The following DGKH variants were observed in gnomAD, a reference collection of about 807,000 sequenced individuals.
DGKH encodes DAG kinase eta.
DGKH carries 90 observed loss-of-function variants against 159.3 expected under a neutral mutation model. The observed-to-expected ratio is 0.57, with a 90% CI of 0.48 to 0.67. The LOEUF (loss-of-function observed/expected upper bound fraction) is 0.67, where lower values mean the gene tolerates loss of function less well. Among genes scored for constraint, DGKH ranks in the 30% least tolerant of loss-of-function variants. The pLI, the probability that DGKH is intolerant of heterozygous loss-of-function variation, is 0.00. For missense variants in DGKH, 1,181 were observed against 1,506.1 expected, an observed-to-expected ratio of 0.78 and a Z score of 3.57; for synonymous variants, 536 against 553.8, an observed-to-expected ratio of 0.97 and a Z score of 0.45.
At chr13:42,040,824 G>A (rs1268022822) in intron 1 of DGKH, among the ~76,000 whole-genome samples, 2 of 146,556 alleles carry the variant, frequency 1.4e-5, no homozygotes, top group African/African-American at 4.9e-5. Context: ...CCGGCGCAGC[G>A]GCGGCGGCGG....
rs528069423 is a variant in DGKH, at chr13:42,175,620, G to A, written c.1452+1476G>A. On this transcript the variant is annotated intron_variant, in intron 12 of 29. Transcript: ENST00000337343. ...CACGTGTATAATCACTAAATATGAG[G>A]TACAATTCTAAAGATATGAAGGAAA... Among the ~76,000 whole-genome samples, 3 of 152,136 alleles carry A rather than the reference G, an allele frequency of 2.0e-5. No individual in the cohort carries two copies. In the South Asian group the frequency reaches 6.2e-4, roughly 32 times the overall value.
At chr13:42,174,230 A>G in intron 12 of DGKH, 86 bp downstream of exon 12, 1 of 1,126,342 alleles carries the variant, frequency 8.9e-7, no homozygotes, top group Non-Finnish European at 1.3e-6. Context: ...ATGTACTCCT[A>G]ATATATTGTG....
chr13:42,211,894 T>G (rs745805448), intron 24 of DGKH, among the ~76,000 whole-genome samples: 2 of 151,934 alleles, frequency 1.3e-5, no homozygotes, highest in African/African-American at 2.4e-5. Flanking sequence ...ACGAGAACAG[T>G]ACAGGAAAAA....
intron 1 of DGKH, among the ~76,000 whole-genome samples, chr13:42,087,019 T>G (rs1954316341): frequency 1.4e-5 from 2 of 145,498 alleles, no homozygotes; most frequent in Non-Finnish European, 3.0e-5. Context: ...AGAAAATTGT[T>G]CGAGGAAAGA....
intron 7 of DGKH, 42 bp from the exon 8 acceptor site, chr13:42,165,289 A>T (rs144691483): frequency 9.0e-7 from 1 of 1,107,940 alleles, no homozygotes; most frequent in Non-Finnish European, 1.3e-6. Context: ...ATGGCAGAAC[A>T]TTATTTTTAT....
chr13:42,119,901 A>T (rs1455051082), intron 1 of DGKH, among the ~76,000 whole-genome samples: 3 of 152,162 alleles, frequency 2.0e-5, no homozygotes, highest in African/African-American at 7.2e-5. Context: ...TTAATCATAA[A>T]TGCTGAATCA....
chr13:42,091,644 AGAAT>A (rs1371558078), intron 1 of DGKH, among the ~76,000 whole-genome samples: 1 of 152,240 alleles, frequency 6.6e-6, no homozygotes, highest in Non-Finnish European at 1.5e-5. Flanking sequence ...GACAACCTAC[AGAAT>A]GGGAGGAAAT....
chr13:42,126,869 T>C lies in DGKH; in HGVS notation c.193-594T>C, dbSNP rs74773399. On this transcript the variant is annotated intron_variant, in intron 1 of 29. Transcript: ENST00000337343. The stretch of plus-strand genomic sequence containing the variant: ...CTTCTCTGGACCACCTGCATAGTAC[T>C]GTGTATATGTTAGAAATAACACCTG... 1.1e-4 allele frequency among the ~76,000 whole-genome samples: 16 copies of C among 152,340 alleles called. No homozygotes were observed. The East Asian group carries it at 3.1e-3, about 29-fold the overall frequency.
intron 1 of DGKH, among the ~76,000 whole-genome samples, chr13:42,081,086 A>G (rs1020481592): frequency 5.9e-5 from 9 of 152,186 alleles, no homozygotes; most frequent in Non-Finnish European, 1.3e-4. Flanking sequence ...TGCTATATAC[A>G]TATTTTTTAA....
In DGKH at chr13:42,230,643, T is replaced by C. The variant is rs1958265927; in HGVS notation, c.*1455T>C. The C allele has an allele frequency of 6.6e-6, 1 of 152,086 alleles. No individual in the cohort carries two copies. Among genetic ancestry groups the C allele is most frequent in the African/African-American group, 2.4e-5 (1 of 41,434 alleles). 9.4% of individuals were successfully genotyped at this position (152,086 alleles called of 1,614,324 possible). On this transcript the variant is annotated 3_prime_UTR_variant, in exon 30 of 30. Transcript: ENST00000337343. The stretch of plus-strand genomic sequence containing the variant: ...ATGAAGTAGCCTGCTAGGTGCTTAA[T>C]AGATATATATACACACAGATATATA...
chr13:42,234,305 C>T lies in DGKH; in HGVS notation c.*5117C>T, dbSNP rs1958369356. 6.6e-6 allele frequency: 1 copy of T among 152,054 alleles called. No individual in the cohort carries two copies. Among genetic ancestry groups the T allele is most frequent in the Non-Finnish European group, 1.5e-5 (1 of 68,008 alleles). The allele number at this position is 152,054 out of a possible 1,614,324, so 9.4% of individuals were successfully genotyped here. On this transcript the variant is annotated 3_prime_UTR_variant, in exon 30 of 30. Transcript: ENST00000337343. ...TTGTCTTCATGGAACTTATTTTTAA[C>T]AGGAATCAAGGAAGAAAATATTCAT... is the stretch of plus-strand genomic sequence containing the variant.
chr13:42,095,585 G>C (rs573423352), intron 1 of DGKH, among the ~76,000 whole-genome samples: 1 of 152,058 alleles, frequency 6.6e-6, no homozygotes, highest in Non-Finnish European at 1.5e-5. Context: ...GTAATTTTTT[G>C]TTCCTCCCAA....
At chr13:42,206,208 C>A in intron 21 of DGKH, 62 bp downstream of exon 21, 3 of 1,150,540 alleles carry the variant, frequency 2.6e-6, no homozygotes, top group Non-Finnish European at 3.4e-6. Flanking sequence ...GAATAATTTG[C>A]TTTTGTAAAT....
upstream of DGKH, among the ~76,000 whole-genome samples, chr13:42,047,381 T>C (rs1179198711): frequency 6.6e-6 from 1 of 152,112 alleles, no homozygotes; most frequent in East Asian, 1.9e-4. Flanking sequence ...TCATGTCAAC[T>C]GAAAAAATAC....
intron 3 of DGKH, among the ~76,000 whole-genome samples, chr13:42,132,977 G>A (rs935350065): frequency 6.6e-6 from 1 of 151,986 alleles, no homozygotes; most frequent in Non-Finnish European, 1.5e-5. Context: ...GACCATCCTG[G>A]CTAACACGGT....
intron 1 of DGKH, among the ~76,000 whole-genome samples, chr13:42,062,144 A>G (rs891460172): frequency 1.6e-4 from 24 of 152,282 alleles, no homozygotes; most frequent in South Asian, 4.1e-4. Flanking sequence ...AGCCAATGCC[A>G]TGGTATTCCA....
intron 20 of DGKH, among the ~76,000 whole-genome samples, chr13:42,201,918 G>A (rs1159403223): frequency 5.9e-5 from 9 of 151,972 alleles, no homozygotes; most frequent in Admixed American, 5.9e-4. Context: ...GTCTCATTTC[G>A]ATTGATGATG....
chr13:42,249,480 A>C (rs1958604988), intron 29 of DGKH, among the ~76,000 whole-genome samples: 1 of 152,114 alleles, frequency 6.6e-6, no homozygotes, highest in Non-Finnish European at 1.5e-5. Flanking sequence ...TATTAAACTG[A>C]TTTTGTAACC....
Position 42,190,465 on chromosome 13 carries a change from A to G in DGKH, c.1975A>G (p.Thr659Ala), listed in dbSNP as rs1361848175. 5 of 1,612,134 alleles carry G rather than the reference A, an allele frequency of 3.1e-6. No individual in the cohort carries two copies. Among genetic ancestry groups the G allele is most frequent in the African/African-American group, 2.7e-5 (2 of 74,854 alleles). Residue 659 changes from threonine to alanine, a missense_variant, in exon 16 of 30, where the codon ACA (threonine) becomes GCA (alanine). Thr to Ala is a moderately conservative substitution (Grantham distance 58). Coordinates refer to ENST00000337343, the MANE Select transcript of DGKH (RefSeq NM_178009.5). ...TAATCAGTCCTCTGATTATGACAGC[A>G]CAGAAACAGATGAATCTAAGGAGGA... The part of the protein sequence containing the change: ...PANQSSDYDS[T>A]ETDESKEEAK...
Sources: gnomAD v4.1 joint callset for allele counts (sites outside exome capture counted in the v4.1 genomes callset) on GRCh38, gnomAD v4.1.1 for gene constraint, MANE v1.5 for transcripts, NCBI Gene and HGNC (gene_info 2026-07-23, HGNC 2026-07-21) for gene names.